ELL3: variants seen among roughly 807,000 people sequenced by gnomAD.
The protein encoded by ELL3 is elongation factor for RNA polymerase II 3.
ELL3 carries 48 observed loss-of-function variants against 58.5 expected under a neutral mutation model. The observed-to-expected ratio is 0.82, with a 90% CI of 0.65 to 1.04. The LOEUF is 1.04. Among genes scored for constraint, ELL3 ranks in the 50% least tolerant of loss-of-function variants. The pLI, the probability that ELL3 is intolerant of heterozygous loss-of-function variation, is 0.00. For missense variants in ELL3, 458 were observed against 478.4 expected, an observed-to-expected ratio of 0.96 and a Z score of 0.40; for synonymous variants, 174 against 173.2, an observed-to-expected ratio of 1.00 and a Z score of -0.04.
intron 2 of ELL3, 141 bp downstream of exon 2, chr15:43,776,368 C>T: frequency 7.2e-7 from 1 of 1,383,256 alleles, no homozygotes; most frequent in Non-Finnish European, 1.0e-6. Flanking sequence ...AGCCTCCTCG[C>T]CCCACTTGGA....
In ELL3 at chr15:43,774,487, T is replaced by C. The variant is rs1322413832; in HGVS notation, c.855A>G (p.Pro285=). The change falls in exon 8 of 11, where the codon CCA becomes CCG. Residue 285 remains proline (P), a synonymous_variant. Coordinates refer to ENST00000319359, the MANE Select transcript of ELL3 (RefSeq NM_025165.3). ...AGCAAGGAACTCACAGGAGGTAGTC[T>C]GGTATATCTTCAGGACTTGGGGATT... The part of the protein sequence containing the change: ...DSESPSPEDI[P]DYLLQYRAIH... 6.2e-7 allele frequency: 1 copy of C among 1,614,182 alleles called. No homozygotes were observed. Among genetic ancestry groups the C allele is most frequent in the Non-Finnish European group, 8.5e-7 (1 of 1,180,026 alleles).
intron 2 of ELL3, 66 bp downstream of exon 2, chr15:43,776,443 C>T (rs2086917705): frequency 3.2e-6 from 5 of 1,552,202 alleles, no homozygotes; most frequent in Non-Finnish European, 3.5e-6. Flanking sequence ...CCGCACCTTC[C>T]ACCTCCAGCC....
At chr15:43,773,449 T>C in intron 9 of ELL3, 101 bp from the exon 10 acceptor site, 1 of 1,272,790 alleles carries the variant, frequency 7.9e-7, no homozygotes, top group Non-Finnish European at 1.1e-6. Context: ...TTTGGGCGGC[T>C]GAGGCAGGCA....
chr15:43,774,509 G>T lies in ELL3; in HGVS notation c.833C>A (p.Ser278Tyr). ...HSSSVQEDSE[S>Y]PSPEDIPDYL... ...GTCTGGTATATCTTCAGGACTTGGGGATTCAGAATCTAGGAAGGAAGCAAG... is the reference window on the plus strand; with the variant it reads ...GTCTGGTATATCTTCAGGACTTGGGTATTCAGAATCTAGGAAGGAAGCAAG... Residue 278 changes from serine (S) to tyrosine (Y), a missense_variant, in exon 8 of 11, where the codon TCC (serine) becomes TAC (tyrosine). Transcript: ENST00000319359. The T allele has an allele frequency of 1.2e-6, 2 of 1,614,186 alleles. No homozygotes were observed. Among genetic ancestry groups the T allele is most frequent in the Admixed American group, 3.3e-5 (2 of 60,024 alleles).
In ELL3 at chr15:43,775,757, C is replaced by G. The variant is rs1322054731; in HGVS notation, c.448G>C (p.Asp150His). Residue 150 changes from aspartate to histidine, a missense_variant, in exon 4 of 11, where the codon GAT (aspartate) becomes CAT (histidine). By Grantham distance (81) the Asp-to-His change is moderately conservative (BLOSUM62 -1). Transcript: ENST00000319359. ...GCCATCTGTGGCTGTGATACTGCATCTCCTTCAGAATAGCCTCCTGTGTTC... is the reference window on the plus strand; with the variant it reads ...GCCATCTGTGGCTGTGATACTGCATGTCCTTCAGAATAGCCTCCTGTGTTC... The part of the protein sequence containing the change: ...WQNTGGYSEG[D>H]AVSQPQMALE... 6.8e-6 allele frequency: 11 copies of G among 1,614,096 alleles called. No homozygotes were observed. The East Asian group carries it at 2.0e-4, about 29-fold the overall frequency.
Position 43,772,842 on chromosome 15 carries a change from GA to G in ELL3, c.*273del. 1 of 299,712 alleles carries G rather than the reference GA, an allele frequency of 3.3e-6. No individual in the cohort carries two copies. The allele number at this position is 299,712 out of a possible 1,614,324, so 18.6% of individuals were successfully genotyped here. A position where few individuals can be genotyped will look rare whatever the true frequency, so the allele number is the denominator to read the frequency against. The stretch of plus-strand genomic sequence containing the variant: ...AAGATGATGTCATTTCTCAGGACTT[GA>G]AAATGACTTGGCTGAACTAAAGGTA... On this transcript the variant is annotated 3_prime_UTR_variant, in exon 11 of 11. Coordinates refer to ENST00000319359, the MANE Select transcript of ELL3 (RefSeq NM_025165.3).
intron 6 of ELL3, among the ~76,000 whole-genome samples, 173 bp downstream of exon 6, chr15:43,775,133 G>T (rs1183749346): frequency 6.6e-6 from 1 of 152,046 alleles, no homozygotes; most frequent in Non-Finnish European, 1.5e-5. Context: ...CCTGAGCCCA[G>T]GAGTCTCCAG....
chr15:43,772,779 T>A lies in ELL3; in HGVS notation c.*337A>T, dbSNP rs1337437011. 1.1e-5 allele frequency: 2 copies of A among 188,688 alleles called. No homozygotes were observed. Among genetic ancestry groups the A allele is most frequent in the African/African-American group, 4.7e-5 (2 of 42,942 alleles). The allele number at this position is 188,688 out of a possible 1,614,324, so 11.7% of individuals were successfully genotyped here. A position where few individuals can be genotyped will look rare whatever the true frequency, so the allele number is the denominator to read the frequency against. On this transcript the variant is annotated 3_prime_UTR_variant, in exon 11 of 11. Transcript: ENST00000319359. ...AGAGGCTACCAGGCTAAAATTCACT[T>A]AGTTTGGTTTGTCTAATGTCCTCAT...
At chr15:43,776,249 C>T in intron 2 of ELL3, 98 bp from the exon 3 acceptor site, 1 of 1,235,320 alleles carries the variant, frequency 8.1e-7, no homozygotes, top group Non-Finnish European at 1.2e-6. Flanking sequence ...AAGACTAAGA[C>T]GGGTCCCACA....
rs775502833 is a variant in ELL3, at chr15:43,776,153, T to C, written c.169-2A>G. 1.9e-6 allele frequency: 3 copies of C among 1,613,110 alleles called. No homozygotes were observed. Among genetic ancestry groups the C allele is most frequent in the East Asian group, 2.2e-5 (1 of 44,882 alleles). ...ACCAGGGCCTGGGAGTCTCAGATAC[T>C]GGGGGTGGAAGGAGACGGTAAGCCC... On this transcript the variant is annotated splice_acceptor_variant, in intron 2 of 10. Coordinates refer to ENST00000319359, the MANE Select transcript of ELL3 (RefSeq NM_025165.3). LOFTEE classifies it high-confidence loss of function.
chr15:43,774,022 C>T (rs1010387455), intron 9 of ELL3, among the ~76,000 whole-genome samples, 160 bp downstream of exon 9: 5 of 152,114 alleles, frequency 3.3e-5, no homozygotes, highest in Admixed American at 6.5e-5. Flanking sequence ...AGGGAAGTAA[C>T]TTCCCTTCTC....
At chr15:43,776,726 G>A (rs749086849) in intron 1 of ELL3, 44 bp downstream of exon 1, 19 of 1,578,002 alleles carry the variant, frequency 1.2e-5, no homozygotes, top group Non-Finnish European at 1.5e-5. Flanking sequence ...TGAGGCCCAA[G>A]GTCCCTAGGG....
chr15:43,773,056 A>G lies in ELL3; in HGVS notation c.*60T>C. On this transcript the variant is annotated 3_prime_UTR_variant, in exon 11 of 11. Coordinates refer to ENST00000319359, the MANE Select transcript of ELL3 (RefSeq NM_025165.3). The stretch of plus-strand genomic sequence containing the variant: ...CAGATAGTTGCATTCTATTTAGTTT[A>G]TAGCTGCTTTGTTCCTTTGTGTTTC... 6.9e-7 allele frequency: 1 copy of G among 1,448,990 alleles called. No homozygotes were observed. Among genetic ancestry groups the G allele is most frequent in the Non-Finnish European group, 9.4e-7 (1 of 1,066,032 alleles). The allele number at this position is 1,448,990 out of a possible 1,614,324, so 89.8% of individuals were successfully genotyped here. A position where few individuals can be genotyped will look rare whatever the true frequency, so the allele number is the denominator to read the frequency against.
In ELL3 at chr15:43,775,940, GAAA is replaced by G; in HGVS notation, c.282-20_282-18del. 1 of 1,612,196 alleles carries G rather than the reference GAAA, an allele frequency of 6.2e-7. No homozygotes were observed. Among genetic ancestry groups the G allele is most frequent in the Non-Finnish European group, 8.5e-7 (1 of 1,179,306 alleles). On this transcript the variant is annotated intron_variant, in intron 3 of 10. Transcript: ENST00000319359. ...GGCCCAGACCTGGAAAAGGATGGTG[GAAA>G]AAAATAGGAGGGTGGAGACCTCTTA...
chr15:43,775,674 C>T (rs1210183405), intron 4 of ELL3, 48 bp downstream of exon 4: 1 of 1,614,020 alleles, frequency 6.2e-7, no homozygotes, highest in Non-Finnish European at 8.5e-7. Context: ...GGACTTCAGG[C>T]TTTGCCCCAC....
rs140215756 is a variant in ELL3 at position 43,773,445 on chromosome 15, C to T, written c.1039-97G>A. 1,501 of 1,333,350 alleles carry T rather than the reference C, an allele frequency of 1.1e-3. 26 individuals are homozygous for T. The East Asian group carries it at 0.03, about 27-fold the overall frequency. 82.6% of individuals were successfully genotyped at this position (1,333,350 alleles called of 1,614,324 possible). A position where few individuals can be genotyped will look rare whatever the true frequency, so the allele number is the denominator to read the frequency against. ...ACGCCTGTAATCCCAGCACTTTGGG[C>T]GGCTGAGGCAGGCAGATAACGAGGT... On this transcript the variant is annotated intron_variant, in intron 9 of 10. Coordinates refer to ENST00000319359, the MANE Select transcript of ELL3 (RefSeq NM_025165.3).
At position 43,776,157 on chromosome 15, in the gene ELL3, G is replaced by T. The variant is rs768705102; in HGVS notation, c.169-6C>A. ...GGGCCTGGGAGTCTCAGATACTGGGGGTGGAAGGAGACGGTAAGCCCCATG... is the reference window on the plus strand; with the variant it reads ...GGGCCTGGGAGTCTCAGATACTGGGTGTGGAAGGAGACGGTAAGCCCCATG... On this transcript the variant is annotated splice_region_variant and splice_polypyrimidine_tract_variant and intron_variant, in intron 2 of 10. Coordinates refer to ENST00000319359, the MANE Select transcript of ELL3 (RefSeq NM_025165.3). 1 of 1,612,002 alleles carries T rather than the reference G, an allele frequency of 6.2e-7. No individual in the cohort carries two copies. The highest frequency in any genetic ancestry group is 1.7e-5 in the Admixed American group (1 of 59,970).
At chr15:43,774,925 G>T in intron 6 of ELL3, 152 bp from the exon 7 acceptor site, 1 of 842,818 alleles carries the variant, frequency 1.2e-6, no homozygotes, top group Non-Finnish European at 1.8e-6. Flanking sequence ...TTGAGCCCAA[G>T]ATTTCAAGAC....
intron 1 of ELL3, 29 bp from the exon 2 acceptor site, chr15:43,776,573 G>A (rs968339847): frequency 6.4e-7 from 1 of 1,562,696 alleles, no homozygotes; most frequent in Non-Finnish European, 8.7e-7. Flanking sequence ...TGTGACCGTT[G>A]AGCGCAGGTG....
Sources: allele counts gnomAD v4.1 joint callset (sites outside exome capture counted in the v4.1 genomes callset), GRCh38; gene constraint gnomAD v4.1.1; transcripts MANE v1.5; gene names NCBI Gene and HGNC (gene_info 2026-07-23, HGNC 2026-07-21).